The following VAV2 variants were observed in gnomAD, a reference collection of about 807,000 sequenced individuals.
VAV2 encodes the protein guanine nucleotide exchange factor VAV2.
A neutral mutation model predicts 132.5 loss-of-function variants in VAV2; 67 were observed. The observed-to-expected ratio is 0.51, with a 90% CI of 0.42 to 0.62. VAV2 has a LOEUF of 0.62. Ranked by LOEUF, VAV2 falls within the 20% of genes least tolerant of loss-of-function variation. The pLI, the probability that VAV2 is intolerant of heterozygous loss-of-function variation, is 0.00. For missense variants in VAV2, 938 were observed against 1,153.6 expected (o/e 0.81, Z 2.71); for synonymous variants, 492 against 443.5 (o/e 1.11, Z -1.37).
intron 13 of VAV2, 32 bp downstream of exon 13, chr9:133,791,751 C>G: frequency 1.9e-6 from 3 of 1,595,400 alleles, no homozygotes; most frequent in Non-Finnish European, 2.6e-6. Context: ...CCTCATCGAC[C>G]TTCCCTAGCC....
chr9:133,787,467 C>G (rs1834273795), intron 15 of VAV2, among the ~76,000 whole-genome samples: 2 of 152,268 alleles, frequency 1.3e-5, no homozygotes, highest in South Asian at 4.1e-4. Flanking sequence ...CTCATGGGCC[C>G]CAGTTACTTG....
intron 3 of VAV2, among the ~76,000 whole-genome samples, chr9:133,859,815 G>A (rs1377983497): frequency 6.6e-6 from 1 of 152,118 alleles, no homozygotes; most frequent in Admixed American, 6.5e-5. Context: ...TGTTTTAAAC[G>A]GTGCCTATTA....
intron 26 of VAV2, 120 bp downstream of exon 26, chr9:133,771,839 C>T: frequency 1.0e-6 from 1 of 953,986 alleles, no homozygotes; most frequent in Non-Finnish European, 1.7e-6. Context: ...TTCCCTAAAT[C>T]TTGGCCACAC....
chr9:133,881,053 G>A (rs1340457621), intron 2 of VAV2, among the ~76,000 whole-genome samples: 1 of 149,046 alleles, frequency 6.7e-6, no homozygotes, highest in African/African-American at 2.5e-5. Context: ...GGGGCCAGCA[G>A]CCCAGAGCTG....
At position 133,963,985 on chromosome 9, in the gene VAV2, T is replaced by C. The variant is rs139936584; in HGVS notation, c.205-24766A>G. ...ATGTAAATAGCTCTCCTCTAGGTGA[T>C]AAGAAGACTAGTAAACTTTAAAAAA... On this transcript the variant is annotated intron_variant, in intron 1 of 29. Coordinates refer to ENST00000371850, the MANE Select transcript of VAV2 (RefSeq NM_001134398.2). Among the ~76,000 whole-genome samples the C allele has an allele frequency of 2.0e-3, 284 of 142,872 alleles. 6 individuals are homozygous for C. The South Asian group carries it at 0.025, about 12-fold the overall frequency. The allele number at this position is 142,872 out of a possible 152,430, so 93.7% of individuals were successfully genotyped here.
chr9:133,852,941 C>A (rs1221632638), intron 3 of VAV2, among the ~76,000 whole-genome samples: 1 of 152,230 alleles, frequency 6.6e-6, no homozygotes, highest in Non-Finnish European at 1.5e-5. Flanking sequence ...GTGCACCATG[C>A]ACTTCCCGTG....
chr9:133,808,956 C>G, intron 7 of VAV2, 84 bp downstream of exon 7: 1 of 1,311,728 alleles, frequency 7.6e-7, no homozygotes, highest in Non-Finnish European at 1.1e-6. Flanking sequence ...GCCCTGCCTC[C>G]GGAATGCACT....
At chr9:133,822,057 T>C (rs1055018214) in intron 4 of VAV2, among the ~76,000 whole-genome samples, 4 of 152,084 alleles carry the variant, frequency 2.6e-5, no homozygotes, top group Admixed American at 6.5e-5. Context: ...ACCTTCACCT[T>C]CTGCCCGAGA....
intron 2 of VAV2, among the ~76,000 whole-genome samples, chr9:133,920,244 C>T (rs573280186): frequency 1.3e-5 from 2 of 152,344 alleles, no homozygotes; most frequent in African/African-American, 4.8e-5. Flanking sequence ...AGAGAGAGTC[C>T]GGGCTCTGCC....
At chr9:133,786,098 T>C (rs1834210985) in intron 16 of VAV2, 2 of 601,960 alleles carry the variant, frequency 3.3e-6, no homozygotes, top group Non-Finnish European at 6.2e-6. Context: ...CATGCATGTA[T>C]AGCTGTGTGC....
chr9:133,850,419 C>T (rs149860178), intron 3 of VAV2, among the ~76,000 whole-genome samples: 1 of 152,304 alleles, frequency 6.6e-6, no homozygotes, highest in Non-Finnish European at 1.5e-5. Flanking sequence ...CCTGCTATGT[C>T]CCAGCACCTG....
intron 2 of VAV2, among the ~76,000 whole-genome samples, chr9:133,915,720 T>C (rs1284617635): frequency 1.4e-5 from 2 of 147,094 alleles, no homozygotes; most frequent in Admixed American, 6.8e-5. Context: ...GCACACGATG[T>C]ACATGTACAC....
rs1838387686 is a variant in VAV2, at chr9:133,879,157, G to A, written c.322-17725C>T. ...ACCCCGTCTCAGCTGCAGACTCGCAGCAGTGCCGGAGCTCTCTGCGCCCCA... is the reference window on the plus strand; with the variant it reads ...ACCCCGTCTCAGCTGCAGACTCGCAACAGTGCCGGAGCTCTCTGCGCCCCA... On this transcript the variant is annotated intron_variant, in intron 2 of 29. Coordinates refer to ENST00000371850, the MANE Select transcript of VAV2 (RefSeq NM_001134398.2). The surrounding 1 kb of genome is among the most constrained non-coding windows in gnomAD (Gnocchi z 4.4). Among the ~76,000 whole-genome samples the A allele has an allele frequency of 6.6e-6, 1 of 152,224 alleles. No individual in the cohort carries two copies. Among genetic ancestry groups the A allele is most frequent in the Non-Finnish European group, 1.5e-5 (1 of 68,038 alleles).
intron 24 of VAV2, 56 bp downstream of exon 24, chr9:133,775,972 C>A (rs1264666398): frequency 6.4e-7 from 1 of 1,555,150 alleles, no homozygotes; most frequent in Non-Finnish European, 8.7e-7. Context: ...GGCGGGCATG[C>A]CCCCATAACA....
chr9:133,975,980 G>A (rs184192815), intron 1 of VAV2, among the ~76,000 whole-genome samples: 19 of 151,770 alleles, frequency 1.3e-4, no homozygotes, highest in Admixed American at 5.2e-4. Flanking sequence ...GGTGGATCAC[G>A]AGGTCAGTAG....
chr9:133,790,883 C>T (rs1190670463), intron 13 of VAV2, among the ~76,000 whole-genome samples: 1 of 152,128 alleles, frequency 6.6e-6, no homozygotes, highest in East Asian at 1.9e-4. Flanking sequence ...AGTGAAATCA[C>T]CAGGGTGAAA....
At chr9:133,849,121 C>T (rs975732701) in intron 3 of VAV2, among the ~76,000 whole-genome samples, 1 of 152,142 alleles carries the variant, frequency 6.6e-6, no homozygotes, top group Admixed American at 6.5e-5. Flanking sequence ...AAACCATCTT[C>T]GCTCCCTAAA....
chr9:133,816,904 C>T (rs1177612240), intron 4 of VAV2, among the ~76,000 whole-genome samples: 3 of 152,216 alleles, frequency 2.0e-5, no homozygotes, highest in Admixed American at 1.3e-4. Context: ...TTCATAGAAA[C>T]TCTTGAAATC....
Position 133,935,153 on chromosome 9 carries a change from C to G in VAV2, c.321+3950G>C, listed in dbSNP as rs923058854. On this transcript the variant is annotated intron_variant, in intron 2 of 29. Transcript: ENST00000371850. This position sits in a 1 kb window ranked among gnomAD's most constrained non-coding sequence, Gnocchi z 5.2. ...GAGGAACAGGGGGAGGGCACGCAGC[C>G]ATATCTTCATGGTCTGAGGTTGCTG... Among the ~76,000 whole-genome samples, 2 of 152,138 alleles carry G rather than the reference C, an allele frequency of 1.3e-5. No homozygotes were observed. The highest frequency in any genetic ancestry group is 4.8e-5 in the African/African-American group (2 of 41,422).
Sources: allele counts gnomAD v4.1 joint callset (sites outside exome capture counted in the v4.1 genomes callset), GRCh38; gene constraint gnomAD v4.1.1; non-coding constraint Gnocchi (gnomAD v3.1); transcripts MANE v1.5; gene names NCBI Gene and HGNC (gene_info 2026-07-23, HGNC 2026-07-21).